The following PLA2R1 variants were observed in gnomAD, a reference collection of about 807,000 sequenced individuals.
The protein encoded by PLA2R1 is phospholipase A2 receptor 1.
Under a neutral mutation model 195.9 loss-of-function variants are expected in PLA2R1, and 158 were observed. The ratio of observed to expected loss-of-function variants is 0.81; its 90% confidence interval spans 0.71 to 0.92. The LOEUF is 0.92. Among genes scored for constraint, PLA2R1 ranks in the 40% least tolerant of loss-of-function variants. PLA2R1 has a pLI of 0.00. For synonymous variants in PLA2R1, 586 were observed against 598.2 expected, an observed-to-expected ratio of 0.98 and a Z score of 0.30; for missense variants, 1,626 against 1,764.6, an observed-to-expected ratio of 0.92 and a Z score of 1.41.
In PLA2R1 at chr2:160,013,260, T is replaced by G. The variant is rs1340608215; in HGVS notation, c.1664+3A>C. Reference sequence around the variant, plus strand: ...TGTTTCTGTTAAAAAAAGTTTAATTTACCTGTTTGTAATGGTTACAAGTGC... The same window carrying G: ...TGTTTCTGTTAAAAAAAGTTTAATTGACCTGTTTGTAATGGTTACAAGTGC... On this transcript the variant is annotated splice_donor_region_variant and intron_variant, in intron 10 of 29. Coordinates refer to ENST00000283243, the MANE Select transcript of PLA2R1 (RefSeq NM_007366.5). 2.0e-6 allele frequency: 3 copies of G among 1,514,104 alleles called. No individual in the cohort carries two copies. The highest frequency in any genetic ancestry group is 1.7e-5 in the Admixed American group (1 of 59,148). 93.8% of individuals were successfully genotyped at this position (1,514,104 alleles called of 1,614,324 possible).
Position 160,044,961 on chromosome 2 carries a change from G to A in PLA2R1, c.306C>T (p.Ser102=). 1 of 1,614,074 alleles carries A rather than the reference G, an allele frequency of 6.2e-7. No individual in the cohort carries two copies. Among genetic ancestry groups the A allele is most frequent in the Non-Finnish European group, 8.5e-7 (1 of 1,179,944 alleles). Residue 102 remains serine, a synonymous_variant, in exon 2 of 30, where the codon AGC becomes AGT. Coordinates refer to ENST00000283243, the MANE Select transcript of PLA2R1 (RefSeq NM_007366.5). ...LNFSAPEQPL[S]LYECDSTLVS... is the part of the protein sequence containing the mutation. Reference sequence around the variant, plus strand: ...CGAGGGTGGAGTCACATTCATATAAGCTTAATGGCTGCTCTGGGGCGGAGA... The same window carrying A: ...CGAGGGTGGAGTCACATTCATATAAACTTAATGGCTGCTCTGGGGCGGAGA...
chr2:160,029,490 A>G (rs2105510767), intron 4 of PLA2R1, among the ~76,000 whole-genome samples: 1 of 152,264 alleles, frequency 6.6e-6, no homozygotes, highest in African/African-American at 2.4e-5. Flanking sequence ...TGTGCAGTGC[A>G]AACTGGAGGC....
Position 159,945,977 on chromosome 2 carries a change from T to C in PLA2R1, c.3967+824A>G, listed in dbSNP as rs576926316. 250 of 971,228 alleles carry C rather than the reference T, an allele frequency of 2.6e-4. 1 individual carries two copies. Among genetic ancestry groups the C allele is most frequent in the South Asian group, 2.4e-3 (50 of 21,022 alleles). 60.2% of individuals were successfully genotyped at this position (971,228 alleles called of 1,614,324 possible). On this transcript the variant is annotated intron_variant, in intron 27 of 29. Coordinates refer to ENST00000283243, the MANE Select transcript of PLA2R1 (RefSeq NM_007366.5). ...AAACTAATCGAGTAAAGAAAAATCC[T>C]TTGAAGTCCTAACATCTTCATCATT...
intron 15 of PLA2R1, 24 bp from the exon 16 acceptor site, chr2:159,976,744 T>G (rs1689586783): frequency 6.3e-7 from 1 of 1,597,160 alleles, no homozygotes; most frequent in African/African-American, 1.3e-5. Context: ...GCAAATCACT[T>G]TGACTGATCT....
At position 160,005,435 on chromosome 2, in the gene PLA2R1, AAAACAAACAAAC is replaced by A. The variant is rs61323503; in HGVS notation, c.1834+205_1834+216del. Among the ~76,000 whole-genome samples, 134 of 151,388 alleles carry A rather than the reference AAAACAAACAAAC, an allele frequency of 8.9e-4. 2 individuals carry two copies. In the South Asian group the frequency reaches 0.024, roughly 27 times the overall value. On this transcript the variant is annotated intron_variant, in intron 11 of 29. Coordinates refer to ENST00000283243, the MANE Select transcript of PLA2R1 (RefSeq NM_007366.5). ...GGGTGACAGAGCGAGACCTCGTCTC[AAAACAAACAAAC>A]AAACAAACAAACAAACAAACAAATA...
the PLA2R1 span, among the ~76,000 whole-genome samples, chr2:159,925,112 A>C: frequency 1.3e-5 from 2 of 152,316 alleles, no homozygotes; most frequent in African/African-American, 4.8e-5. Flanking sequence ...CCATGTCAGC[A>C]ATGAATTTTC....
chr2:159,944,380 T>C (rs542949764), intron 28 of PLA2R1, among the ~76,000 whole-genome samples: 1 of 152,322 alleles, frequency 6.6e-6, no homozygotes, highest in Non-Finnish European at 1.5e-5. Flanking sequence ...GACTAGAATT[T>C]TCTAGCTTAG....
Position 159,941,949 on chromosome 2 carries a change from C to T in PLA2R1, c.4221G>A (p.Leu1407=). 1.2e-6 allele frequency: 2 copies of T among 1,613,930 alleles called. No individual in the cohort carries two copies. The highest frequency in any genetic ancestry group is 1.7e-6 in the Non-Finnish European group (2 of 1,179,874). ...SIIPLAVVLT[L]IVIVAICTLS... is the part of the protein sequence containing the mutation. ...GTGTGCAAATGGCCACAATGACTAT[C>T]AGTGTCAGTACAACCGCAAGAGGAA... Residue 1407 remains leucine (L), a synonymous_variant, in exon 30 of 30, where the codon CTG becomes CTA. Transcript: ENST00000283243.
chr2:159,998,152 C>A (rs1054362319), intron 11 of PLA2R1, among the ~76,000 whole-genome samples: 10 of 152,104 alleles, frequency 6.6e-5, no homozygotes, highest in Non-Finnish European at 1.3e-4. Context: ...CAGAATAGGT[C>A]CTGCATCTTA....
intron 9 of PLA2R1, among the ~76,000 whole-genome samples, chr2:160,014,218 T>G (rs1692580181): frequency 7.3e-6 from 1 of 136,114 alleles, no homozygotes; most frequent in Admixed American, 8.3e-5. Context: ...AATATATGTA[T>G]TTTTTCTTTT....
At chr2:159,990,604 CCT>C (rs1292839962) in intron 11 of PLA2R1, among the ~76,000 whole-genome samples, 2 of 152,098 alleles carry the variant, frequency 1.3e-5, no homozygotes, top group Admixed American at 1.3e-4. Flanking sequence ...TCTCACCTTC[CCT>C]CTCTCTCTCC....
chr2:160,042,817 G>GTGTC, intron 2 of PLA2R1, among the ~76,000 whole-genome samples: 1 of 90,574 alleles, frequency 1.1e-5, no homozygotes. Context: ...GTGTGTGTGT[G>GTGTC]TGTGTGTGTG....
chr2:160,030,893 A>AT (rs1693811662), intron 4 of PLA2R1, among the ~76,000 whole-genome samples: 1 of 152,274 alleles, frequency 6.6e-6, no homozygotes, highest in African/African-American at 2.4e-5. Context: ...GACATGTCTT[A>AT]TTTTTTTAAA....
At chr2:160,012,596 T>C (rs775840531) in intron 10 of PLA2R1, among the ~76,000 whole-genome samples, 3 of 148,724 alleles carry the variant, frequency 2.0e-5, no homozygotes, top group Non-Finnish European at 3.0e-5. Flanking sequence ...TCACATACAT[T>C]ACATCAAAAA....
intron 11 of PLA2R1, among the ~76,000 whole-genome samples, chr2:159,997,930 C>T (rs1269648954): frequency 6.6e-6 from 1 of 152,086 alleles, no homozygotes; most frequent in Non-Finnish European, 1.5e-5. Flanking sequence ...GGGTTTTAAA[C>T]CATGTATTTA....
chr2:160,028,125 A>T (rs769225892), intron 6 of PLA2R1, 93 bp downstream of exon 6: 1 of 790,496 alleles, frequency 1.3e-6, no homozygotes, highest in East Asian at 2.6e-5. Context: ...CTAAGTTTAC[A>T]TTATGAATTA....
At chr2:160,000,850 T>C (rs1322241864) in intron 11 of PLA2R1, among the ~76,000 whole-genome samples, 4 of 152,094 alleles carry the variant, frequency 2.6e-5, no homozygotes, top group African/African-American at 7.2e-5. Flanking sequence ...ATGACTTTAT[T>C]TAAAATGCAT....
intron 1 of PLA2R1, among the ~76,000 whole-genome samples, chr2:160,058,252 C>A (rs1207454706): frequency 6.6e-6 from 1 of 152,156 alleles, no homozygotes; most frequent in Non-Finnish European, 1.5e-5. Flanking sequence ...ACCCCTCTTT[C>A]CGTCGGCGCA....
intron 6 of PLA2R1, among the ~76,000 whole-genome samples, chr2:160,027,198 C>T (rs1447650285): frequency 1.3e-5 from 2 of 152,148 alleles, no homozygotes; most frequent in East Asian, 3.8e-4. Flanking sequence ...TAACTACTCC[C>T]ATTTCTGGTC....
Sources: gnomAD v4.1 joint callset for allele counts (sites outside exome capture counted in the v4.1 genomes callset) on GRCh38, gnomAD v4.1.1 for gene constraint, MANE v1.5 for transcripts, NCBI Gene and HGNC (gene_info 2026-07-23, HGNC 2026-07-21) for gene names.